The following KIAA1217 variants were observed in gnomAD, a reference collection of about 807,000 sequenced individuals.
KIAA1217 encodes the protein KIAA1217, also known as sickle tail protein homolog.
A neutral mutation model predicts 163.9 loss-of-function variants in KIAA1217; 88 were observed. The observed-to-expected ratio is 0.54, with a 90% CI of 0.45 to 0.64. The LOEUF (loss-of-function observed/expected upper bound fraction) is 0.64. Among genes scored for constraint, KIAA1217 ranks in the 30% least tolerant of loss-of-function variants. The pLI, the probability that KIAA1217 is intolerant of heterozygous loss-of-function variation, is 0.00. For missense variants in KIAA1217, 2,372 were observed against 2,475.0 expected (o/e 0.96, Z 0.88); for synonymous variants, 903 against 923.1 (o/e 0.98, Z 0.39).
chr10:24,379,587 T>C (rs980633451), intron 2 of KIAA1217, among the ~76,000 whole-genome samples: 1 of 152,092 alleles, frequency 6.6e-6, no homozygotes. Context: ...GATAATGCAA[T>C]TGGTTCTGTT....
chr10:23,786,552 A>AAT (rs975576927), intron 1 of KIAA1217, among the ~76,000 whole-genome samples: 60 of 152,164 alleles, frequency 3.9e-4, no homozygotes, highest in South Asian at 8.3e-4. Context: ...AAAAAAAAAA[A>AAT]ATTAGTTACA....
chr10:23,963,003 C>A (rs1844882233), intron 1 of KIAA1217, among the ~76,000 whole-genome samples: 1 of 151,966 alleles, frequency 6.6e-6, no homozygotes, highest in Non-Finnish European at 1.5e-5. Context: ...TTTCAGGTAC[C>A]AGGTTGTGAT....
intron 1 of KIAA1217, among the ~76,000 whole-genome samples, chr10:23,842,560 T>G (rs1404206552): frequency 2.6e-5 from 4 of 152,114 alleles, no homozygotes; most frequent in African/African-American, 9.7e-5. Flanking sequence ...CCATCACTCA[T>G]TTTACCAGTA....
At chr10:24,169,005 C>A (rs1480164288) in intron 2 of KIAA1217, among the ~76,000 whole-genome samples, 4 of 152,214 alleles carry the variant, frequency 2.6e-5, no homozygotes, top group African/African-American at 9.7e-5. Flanking sequence ...ATTCACAAGA[C>A]TCTAGCTGCC....
intron 1 of KIAA1217, among the ~76,000 whole-genome samples, chr10:23,766,587 C>CTTTTTTTTTTTTTTTTTTTTTTTTT (rs766892555): frequency 1.5e-5 from 2 of 133,756 alleles, no homozygotes; most frequent in African/African-American, 6.0e-5. Context: ...TTCTTTCTTT[C>CTTTTTTTTTTTTTTTTTTTTTTTTT]TTTTTTCTTT....
At chr10:24,109,913 AAGAGTGCAGTGGCACGATC>A (rs2062780050) in intron 2 of KIAA1217, among the ~76,000 whole-genome samples, 1 of 152,228 alleles carries the variant, frequency 6.6e-6, no homozygotes, top group South Asian at 2.1e-4. Flanking sequence ...TTGCCCAGGC[AAGAGTGCAGTGGCACGATC>A]ACTGCTCACT....
At chr10:23,701,247 G>C (rs1302221628) in intron 1 of KIAA1217, among the ~76,000 whole-genome samples, 1 of 152,162 alleles carries the variant, frequency 6.6e-6, no homozygotes, top group Non-Finnish European at 1.5e-5. Flanking sequence ...AAATGACTTT[G>C]AAGAAGTCCC....
chr10:24,358,603 G>C (rs952382227), intron 2 of KIAA1217, among the ~76,000 whole-genome samples: 12 of 152,164 alleles, frequency 7.9e-5, no homozygotes, highest in African/African-American at 2.9e-4. Context: ...AAGTAGGAAG[G>C]GTGGATATTG....
intron 1 of KIAA1217, among the ~76,000 whole-genome samples, chr10:23,888,970 C>T (rs1282199486): frequency 5.9e-5 from 9 of 151,862 alleles, no homozygotes. Flanking sequence ...GTCTGTCTTC[C>T]TTTGCTCTGC....
intron 2 of KIAA1217, among the ~76,000 whole-genome samples, chr10:24,199,782 T>C (rs1267300147): frequency 1.3e-5 from 2 of 152,220 alleles, no homozygotes; most frequent in Non-Finnish European, 2.9e-5. Flanking sequence ...GTGAATGTCC[T>C]GATTTTCATA....
intron 2 of KIAA1217, among the ~76,000 whole-genome samples, chr10:24,367,902 G>A (rs192759215): frequency 6.6e-6 from 1 of 152,304 alleles, no homozygotes; most frequent in East Asian, 1.9e-4. Flanking sequence ...TAATGGTTGT[G>A]CTTAGGAAAT....
chr10:23,955,938 G>C (rs1215155917), intron 1 of KIAA1217, among the ~76,000 whole-genome samples: 4 of 152,138 alleles, frequency 2.6e-5, no homozygotes, highest in African/African-American at 9.7e-5. Flanking sequence ...CTTTAGATTC[G>C]AGATGGTATC....
At chr10:24,536,163 T>TA (rs1442907061) in intron 16 of KIAA1217, among the ~76,000 whole-genome samples, 1 of 152,178 alleles carries the variant, frequency 6.6e-6, no homozygotes, top group Non-Finnish European at 1.5e-5. Context: ...AGTTGGCTCT[T>TA]ATAGTTTTCA....
chr10:24,485,828 G>T (rs971362615), intron 6 of KIAA1217, among the ~76,000 whole-genome samples: 1 of 152,154 alleles, frequency 6.6e-6, no homozygotes, highest in South Asian at 2.1e-4. Flanking sequence ...GTTAAGGAGC[G>T]GAGACCCAGA....
chr10:23,924,071 A>G (rs1340577458), intron 1 of KIAA1217, among the ~76,000 whole-genome samples: 1 of 152,152 alleles, frequency 6.6e-6, no homozygotes, highest in African/African-American at 2.4e-5. Flanking sequence ...ATTTAGAATT[A>G]CTGATCAATT....
chr10:23,755,818 G>A (rs570250242), intron 1 of KIAA1217, among the ~76,000 whole-genome samples: 22 of 152,178 alleles, frequency 1.4e-4, no homozygotes, highest in Admixed American at 3.3e-4. Context: ...CTCATGTTCA[G>A]GATTGTGAAC....
At chr10:24,212,969 A>G (rs549184649) in intron 1 of KIAA1217, among the ~76,000 whole-genome samples, 2 of 152,276 alleles carry the variant, frequency 1.3e-5, no homozygotes, top group East Asian at 3.9e-4. Context: ...AAGGATCCCT[A>G]GGGTGATCAT....
At chr10:24,404,669 A>G (rs1388111946) in intron 3 of KIAA1217, among the ~76,000 whole-genome samples, 1 of 151,724 alleles carries the variant, frequency 6.6e-6, no homozygotes, top group Non-Finnish European at 1.5e-5. Flanking sequence ...AACTGTTTTC[A>G]CCCAGAAACT....
intron 1 of KIAA1217, among the ~76,000 whole-genome samples, chr10:23,930,654 G>C (rs1202754623): frequency 1.2e-4 from 19 of 152,192 alleles, no homozygotes; most frequent in Admixed American, 1.2e-3. Context: ...TTTACAATTT[G>C]CACAGAAATC....
Sources: allele counts gnomAD v4.1 joint callset (sites outside exome capture counted in the v4.1 genomes callset), GRCh38; gene constraint gnomAD v4.1.1; transcripts MANE v1.5; gene names NCBI Gene and HGNC (gene_info 2026-07-23, HGNC 2026-07-21).